The following HLA-B variants were observed in gnomAD, a reference collection of about 807,000 sequenced individuals.
HLA-B encodes major histocompatibility complex, class I, B, also known as HLA class I antigen HLA-B.
Under a neutral mutation model 41.5 loss-of-function variants are expected in HLA-B, and 31 were observed. The ratio of observed to expected loss-of-function variants is 0.75; its 90% CI spans 0.56 to 1.01. HLA-B has a LOEUF of 1.01. Ranked by LOEUF, HLA-B falls within the 50% of genes least tolerant of loss-of-function variation. The pLI, the probability that HLA-B is intolerant of heterozygous loss-of-function variation, is 0.00. For missense variants in HLA-B, 369 were observed against 457.2 expected, an observed-to-expected ratio of 0.81 and a Z score of 1.76; for synonymous variants, 138 against 189.0, an observed-to-expected ratio of 0.73 and a Z score of 2.21.
chr6:31,355,797 T>A, intron 3 of HLA-B: 1 of 679,108 alleles, frequency 1.5e-6, no homozygotes, highest in Non-Finnish European at 2.7e-6. Flanking sequence ...CAGGGACTTC[T>A]GCTCCTGATC....
Position 31,354,224 on chromosome 6 carries a change from G to C in HLA-B, c.*77C>G. 1.6e-6 allele frequency: 1 copy of C among 637,046 alleles called. No individual in the cohort carries two copies. Among genetic ancestry groups the C allele is most frequent in the South Asian group, 1.5e-5 (1 of 66,194 alleles). The allele number at this position is 637,046 out of a possible 1,614,324, so 39.5% of individuals were successfully genotyped here. A position where few individuals can be genotyped will look rare whatever the true frequency, so the allele number is the denominator to read the frequency against. On this transcript the variant is annotated 3_prime_UTR_variant, in exon 8 of 8. Transcript: ENST00000412585. ...TGCCTTTGCAGAAAGAGATGCCAGA[G>C]GCTCTTGAAGTCACAAAGGGGAGGC...
In HLA-B at chr6:31,355,871, C is replaced by A. The variant is rs562711987; in HGVS notation, c.620-279G>T. ...AGCCCCAAACACACTGAGTGTGAGG[C>A]AGAGAACAAGGCCTGAGAGGAAAAG... On this transcript the variant is annotated intron_variant, in intron 3 of 7. Coordinates refer to ENST00000412585, the MANE Select transcript of HLA-B (RefSeq NM_005514.8). 1.9e-4 allele frequency: 117 copies of A among 625,102 alleles called. 2 individuals carry two copies. Among genetic ancestry groups the A allele is most frequent in the South Asian group, 1.8e-3 (110 of 62,846 alleles). 38.7% of individuals were successfully genotyped at this position (625,102 alleles called of 1,614,324 possible).
In HLA-B at chr6:31,356,815, C is replaced by A. The variant is rs1423410555; in HGVS notation, c.216G>T (p.Arg72=). 8.5e-7 allele frequency: 1 copy of A among 1,170,550 alleles called. No individual in the cohort carries two copies. The highest frequency in any genetic ancestry group is 3.5e-5 in the East Asian group (1 of 28,250). 72.5% of individuals were successfully genotyped at this position (1,170,550 alleles called of 1,614,324 possible). Reference sequence around the variant, plus strand: ...GCCCCTCCTGCTCTATCCACGGCGCCCGCGGCTCCTCTCTCGGACTCGCGG... The same window carrying A: ...GCCCCTCCTGCTCTATCCACGGCGCACGCGGCTCCTCTCTCGGACTCGCGG... ...SDAASPREEP[R]APWIEQEGPE... Residue 72 remains arginine, a synonymous_variant, in exon 2 of 8, where the codon CGG becomes CGT. Transcript: ENST00000412585.
rs151341076 is a variant in HLA-B, at chr6:31,357,087, G to C, written c.72C>G (p.Ala24=). 1.1e-6 allele frequency: 1 copy of C among 893,004 alleles called. No homozygotes were observed. The highest frequency in any genetic ancestry group is 1.5e-6 in the Non-Finnish European group (1 of 686,064). 55.3% of individuals were successfully genotyped at this position (893,004 alleles called of 1,614,324 possible). Residue 24 remains alanine (A), a splice_region_variant and synonymous_variant, in exon 1 of 8, where the codon GCC becomes GCG. Coordinates refer to ENST00000412585, the MANE Select transcript of HLA-B (RefSeq NM_005514.8). ...ATTTCCCTCCCGACCCGCACTCACC[G>C]GCCCAGGTCTCGGTCAGGGCCAGGG... ...SAALALTETW[A]GSHSMRYFYT...
At chr6:31,355,078 C>T (rs3819282) in intron 5 of HLA-B, 29 bp downstream of exon 5, 12,774 of 802,772 alleles carry the variant, frequency 0.016, 825 homozygotes, top group South Asian at 0.058. Flanking sequence ...ACAAGAAAAC[C>T]CAGACCCCAC....
In HLA-B at chr6:31,355,849, C is replaced by A. The variant is rs778790155; in HGVS notation, c.620-257G>T. On this transcript the variant is annotated intron_variant, in intron 3 of 7. Coordinates refer to ENST00000412585, the MANE Select transcript of HLA-B (RefSeq NM_005514.8). ...GACTCAGAAGTGCTGGAATCAGAGC[C>A]CCAAACACACTGAGTGTGAGGCAGA... 298 of 636,972 alleles carry A rather than the reference C, an allele frequency of 4.7e-4. 4 individuals carry two copies. The highest frequency in any genetic ancestry group is 2.8e-4 in the Non-Finnish European group (99 of 349,610). The allele number at this position is 636,972 out of a possible 1,614,324, so 39.5% of individuals were successfully genotyped here.
Position 31,354,495 on chromosome 6 carries a change from A to G in HLA-B, c.1077T>C (p.Ser359=). 1 of 1,281,070 alleles carries G rather than the reference A, an allele frequency of 7.8e-7. No individual in the cohort carries two copies. Among genetic ancestry groups the G allele is most frequent in the Non-Finnish European group, 1.0e-6 (1 of 979,314 alleles). The allele number at this position is 1,281,070 out of a possible 1,614,324, so 79.4% of individuals were successfully genotyped here. ...GAATCTCACCTTTTCAAGCTGTGAG[A>G]GACACATCAGAGCCCTGGGCACTGT... ...CSDSAQGSDV[S]LTA is the part of the protein sequence containing the mutation. Residue 359 remains serine, a synonymous_variant, in exon 7 of 8, where the codon TCT becomes TCC. Transcript: ENST00000412585.
At position 31,355,167 on chromosome 6, in the gene HLA-B, G is replaced by C. The variant is rs776303815; in HGVS notation, c.952C>G (p.Leu318Val). Residue 318 changes from leucine to valine, a missense_variant, in exon 5 of 8, where the codon CTA becomes GTA. This residue lies in a region of HLA-B where 115 missense variants were observed against 78.7 expected (regional missense o/e 1.46). Coordinates refer to ENST00000412585, the MANE Select transcript of HLA-B (RefSeq NM_005514.8). ...IVGIVAGLAVLAVVVIGAVVA... is the reference protein window; with the variant it reads ...IVGIVAGLAVVAVVVIGAVVA... ...ACAGCTCCGATGACCACAACTGCTA[G>C]GACAGCCAGGCCAGCAACAATGCCC... 1 of 1,238,080 alleles carries C rather than the reference G, an allele frequency of 8.1e-7. No individual in the cohort carries two copies. The highest frequency in any genetic ancestry group is 1.0e-6 in the Non-Finnish European group (1 of 977,694). The allele number at this position is 1,238,080 out of a possible 1,614,324, so 76.7% of individuals were successfully genotyped here. A position where few individuals can be genotyped will look rare whatever the true frequency, so the allele number is the denominator to read the frequency against.
intron 3 of HLA-B, chr6:31,355,878 C>G (rs1454719879): frequency 1.6e-6 from 1 of 615,470 alleles, no homozygotes; most frequent in Non-Finnish European, 2.9e-6. Flanking sequence ...AGGCAGAGAA[C>G]AAGGCCTGAG....
At chr6:31,356,474 C>CG in intron 2 of HLA-B, 32 bp from the exon 3 acceptor site, 1 of 745,680 alleles carries the variant, frequency 1.3e-6, no homozygotes, top group Non-Finnish European at 1.8e-6. Flanking sequence ...GCCCAGTCCC[C>CG]CGAGCCCCGC....
At chr6:31,356,638 A>G in intron 2 of HLA-B, 50 bp downstream of exon 2, 1 of 1,249,832 alleles carries the variant, frequency 8.0e-7, no homozygotes, top group East Asian at 3.0e-5. Context: ...CCCGGGCCGT[A>G]CGTGGGGGAT....
Position 31,354,297 on chromosome 6 carries a change from C to A in HLA-B, c.*5-1G>T. ...TCCCTCACAAGACAGCTGTCTCAGG[C>A]TACAGAAAACAACAGTCATGAACAA... On this transcript the variant is annotated splice_acceptor_variant, in intron 7 of 7. Transcript: ENST00000412585. LOFTEE classifies it low-confidence loss of function (3UTR_SPLICE). The A allele has an allele frequency of 1.6e-6, 1 of 620,146 alleles. No individual in the cohort carries two copies. 38.4% of individuals were successfully genotyped at this position (620,146 alleles called of 1,614,324 possible). A position where few individuals can be genotyped will look rare whatever the true frequency, so the allele number is the denominator to read the frequency against.
rs9266198 is a variant in HLA-B, at chr6:31,357,070, C to G, written c.73+16G>C. ...TCCTCCCGGCAGAGGCCATTTCCCT[C>G]CCGACCCGCACTCACCGGCCCAGGT... is the stretch of plus-strand genomic sequence containing the variant. On this transcript the variant is annotated intron_variant, in intron 1 of 7. Transcript: ENST00000412585. 26,871 of 846,270 alleles carry G rather than the reference C, an allele frequency of 0.032. 6,396 individuals are homozygous for G. Among genetic ancestry groups the G allele is most frequent in the East Asian group, 0.11 (1,893 of 16,466 alleles). 52.4% of individuals were successfully genotyped at this position (846,270 alleles called of 1,614,324 possible).
In HLA-B at chr6:31,356,180, C is replaced by G. The variant is rs151341333; in HGVS notation, c.606G>C (p.Lys202Asn). ...LRRYLENGKD[K>N]LERADPPKTH... ...TGCCCCTGGTACCAGCGCGCTCCAG[C>G]TTGTCCTTCCCGTTCTCCAGGTATC... The change falls in exon 3 of 8, where the codon AAG (lysine) becomes AAC (asparagine). Residue 202 changes from lysine to asparagine, a missense_variant. Physicochemically the swap from Lys to Asn is moderately conservative, Grantham distance 94 (BLOSUM62 0). Transcript: ENST00000412585. 9.0e-7 allele frequency: 1 copy of G among 1,108,688 alleles called. No individual in the cohort carries two copies. The highest frequency in any genetic ancestry group is 1.2e-6 in the Non-Finnish European group (1 of 838,472). The allele number at this position is 1,108,688 out of a possible 1,614,324, so 68.7% of individuals were successfully genotyped here. A position where few individuals can be genotyped will look rare whatever the true frequency, so the allele number is the denominator to read the frequency against.
intron 7 of HLA-B, 39 bp downstream of exon 7, chr6:31,354,440 A>ACCCCCCCCCCC: frequency 9.7e-6 from 3 of 308,258 alleles, no homozygotes; most frequent in Non-Finnish European, 1.7e-5. Flanking sequence ...CCACCCCCAG[A>ACCCCCCCCCCC]CCCGCCACCC....
chr6:31,355,170 C>G lies in HLA-B; in HGVS notation c.949G>C (p.Val317Leu). 1.6e-6 allele frequency: 2 copies of G among 1,237,490 alleles called. No homozygotes were observed. The highest frequency in any genetic ancestry group is 2.0e-6 in the Non-Finnish European group (2 of 978,104). The allele number at this position is 1,237,490 out of a possible 1,614,324, so 76.7% of individuals were successfully genotyped here. Residue 317 changes from valine to leucine, a missense_variant, in exon 5 of 8, where the codon GTC becomes CTC. By Grantham distance (32) the Val-to-Leu change is conservative. Transcript: ENST00000412585. ...PIVGIVAGLA[V>L]LAVVVIGAVV... The stretch of plus-strand genomic sequence containing the variant: ...GCTCCGATGACCACAACTGCTAGGA[C>G]AGCCAGGCCAGCAACAATGCCCACG...
Position 31,354,046 on chromosome 6 carries a change from G to C in HLA-B, c.*255C>G, listed in dbSNP as rs62396266. On this transcript the variant is annotated 3_prime_UTR_variant, in exon 8 of 8. Transcript: ENST00000412585. ...TCAGTGCACGTAAAGTTGAGACAGA[G>C]ATGGAGACATCCAGCCCCACCTCTC... is the stretch of plus-strand genomic sequence containing the variant. The C allele has an allele frequency of 7.3e-6, 3 of 411,264 alleles. No homozygotes were observed. The highest frequency in any genetic ancestry group is 5.7e-5 in the South Asian group (2 of 35,234). 25.5% of individuals were successfully genotyped at this position (411,264 alleles called of 1,614,324 possible).
Position 31,356,449 on chromosome 6 carries a change from C to T in HLA-B, c.344-7G>A, listed in dbSNP as rs41559118. ...CTCTGGAGGGTGTGAGACCCTGGCC[C>T]CGGCCCCGCGGTCAGCCCAGTCCCC... On this transcript the variant is annotated splice_region_variant and splice_polypyrimidine_tract_variant and intron_variant, in intron 2 of 7. Coordinates refer to ENST00000412585, the MANE Select transcript of HLA-B (RefSeq NM_005514.8). The T allele has an allele frequency of 1.1e-6, 1 of 877,014 alleles. No individual in the cohort carries two copies. Among genetic ancestry groups the T allele is most frequent in the Non-Finnish European group, 1.5e-6 (1 of 676,778 alleles). 54.3% of individuals were successfully genotyped at this position (877,014 alleles called of 1,614,324 possible).
rs41545120 is a variant in HLA-B at position 31,356,492 on chromosome 6, C to T, written c.344-50G>A. On this transcript the variant is annotated intron_variant, in intron 2 of 7. Coordinates refer to ENST00000412585, the MANE Select transcript of HLA-B (RefSeq NM_005514.8). ...CAGTCCCCCGAGCCCCGCCCCGCCC[C>T]GACCAACCCGCGGGGATTTTGGCCT... The T allele has an allele frequency of 7.1e-3, 5,930 of 833,138 alleles. 45 individuals are homozygous for T. Among genetic ancestry groups the T allele is most frequent in the South Asian group, 0.017 (844 of 50,212 alleles). The allele number at this position is 833,138 out of a possible 1,614,324, so 51.6% of individuals were successfully genotyped here.
Sources: allele counts gnomAD v4.1 joint callset, GRCh38; gene constraint gnomAD v4.1.1; regional missense constraint gnomAD v4.1.1; transcripts MANE v1.5; gene names NCBI Gene and HGNC (gene_info 2026-07-23, HGNC 2026-07-21).